The following CTNND2 variants were observed in gnomAD, a reference collection of about 807,000 sequenced individuals.
CTNND2 encodes catenin delta-2.
A neutral mutation model predicts 144.4 loss-of-function variants in CTNND2; 22 were observed. The observed-to-expected ratio is 0.15, with a 90% CI of 0.11 to 0.22. The LOEUF (loss-of-function observed/expected upper bound fraction) is 0.22, where lower values mean the gene tolerates loss of function less well. CTNND2 is among the 10% of genes least tolerant of loss of function. CTNND2 has a pLI of 1.00. For missense variants in CTNND2, 1,353 were observed against 1,618.8 expected, an observed-to-expected ratio of 0.84 and a Z score of 2.82; for synonymous variants, 751 against 695.6, an observed-to-expected ratio of 1.08 and a Z score of -1.25.
At chr5:11,228,255 G>A (rs1740578045) in intron 10 of CTNND2, among the ~76,000 whole-genome samples, 1 of 140,402 alleles carries the variant, frequency 7.1e-6, no homozygotes. Flanking sequence ...TGAGGCAGGA[G>A]AATCACTTGT....
At chr5:11,412,149 A>C (rs1581139547) in intron 3 of CTNND2, 80 bp from the exon 4 acceptor site, 1 of 1,091,700 alleles carries the variant, frequency 9.2e-7, no homozygotes, top group Admixed American at 1.7e-5. Context: ...ACACAAAGGC[A>C]TATTAGGGTA....
chr5:11,531,035 A>G (rs1581424062), intron 3 of CTNND2, among the ~76,000 whole-genome samples: 1 of 152,226 alleles, frequency 6.6e-6, no homozygotes, highest in East Asian at 1.9e-4. Flanking sequence ...TCCTGCAGAC[A>G]TAACTGTCAT....
chr5:11,449,232 A>G (rs61760348), intron 3 of CTNND2, among the ~76,000 whole-genome samples: 173 of 152,316 alleles, frequency 1.1e-3, no homozygotes, highest in African/African-American at 3.9e-3. Flanking sequence ...TTATTTACAG[A>G]TATAAATGTC....
intron 2 of CTNND2, among the ~76,000 whole-genome samples, chr5:11,729,601 G>A (rs77957284): frequency 0.024 from 3,678 of 152,070 alleles, 73 homozygotes; most frequent in Non-Finnish European, 0.037. Context: ...TCTTCACCAA[G>A]CCATCCGTAT....
intron 1 of CTNND2, among the ~76,000 whole-genome samples, chr5:11,854,110 T>C (rs557693706): frequency 3.0e-4 from 46 of 152,336 alleles, no homozygotes; most frequent in Admixed American, 1.2e-3. Context: ...GTCCTCCTTG[T>C]TGTTCCCAAA....
chr5:11,563,156 A>G (rs565255260), intron 3 of CTNND2, among the ~76,000 whole-genome samples: 1 of 152,334 alleles, frequency 6.6e-6, no homozygotes, highest in African/African-American at 2.4e-5. Flanking sequence ...CAGGTTACTA[A>G]ACAGTTCCCT....
chr5:11,135,559 T>C (rs1756049182), intron 12 of CTNND2, among the ~76,000 whole-genome samples: 1 of 152,330 alleles, frequency 6.6e-6, no homozygotes, highest in South Asian at 2.1e-4. Context: ...TCCAATAATT[T>C]GCTAAAATTC....
At chr5:11,116,132 C>G (rs184796648) in intron 13 of CTNND2, among the ~76,000 whole-genome samples, 4 of 152,288 alleles carry the variant, frequency 2.6e-5, no homozygotes, top group Non-Finnish European at 4.4e-5. Flanking sequence ...GTTAGGAGGA[C>G]TGCAATAGGG....
At chr5:11,744,374 G>T (rs1788186815) in intron 1 of CTNND2, among the ~76,000 whole-genome samples, 1 of 152,144 alleles carries the variant, frequency 6.6e-6, no homozygotes, top group Non-Finnish European at 1.5e-5. Flanking sequence ...CAAGCAACAG[G>T]TTAGGCTCTC....
rs199778850 is a variant in CTNND2 at position 11,236,855 on chromosome 5, G to A, written c.1629-32C>T. 7.4e-5 allele frequency: 120 copies of A among 1,613,118 alleles called. No individual in the cohort carries two copies. In the East Asian group the frequency reaches 1.6e-3, roughly 21 times the overall value. On this transcript the variant is annotated intron_variant, in intron 9 of 21. Transcript: ENST00000304623. ...AAAAGGAAAGAAGCGGGGAGAATATGAGAGAGAAATCCTACCACACTGTTA... is the reference window on the plus strand; with the variant it reads ...AAAAGGAAAGAAGCGGGGAGAATATAAGAGAGAAATCCTACCACACTGTTA...
At chr5:11,525,679 A>G (rs1327123659) in intron 3 of CTNND2, among the ~76,000 whole-genome samples, 2 of 152,128 alleles carry the variant, frequency 1.3e-5, no homozygotes, top group South Asian at 2.1e-4. Context: ...GTGTCTTCCC[A>G]TTCTCCCCAG....
At chr5:11,212,000 A>C (rs543764236) in intron 10 of CTNND2, among the ~76,000 whole-genome samples, 1 of 152,358 alleles carries the variant, frequency 6.6e-6, no homozygotes, top group East Asian at 1.9e-4. Flanking sequence ...AAAATTGTAT[A>C]GAATATAATT....
chr5:11,160,881 C>G (rs1322004134), intron 11 of CTNND2, among the ~76,000 whole-genome samples: 1 of 152,090 alleles, frequency 6.6e-6, no homozygotes, highest in African/African-American at 2.4e-5. Context: ...GTTGAACTAT[C>G]CAAGGACATT....
At chr5:11,884,852 G>GA (rs1453689008) in intron 1 of CTNND2, among the ~76,000 whole-genome samples, 3 of 152,074 alleles carry the variant, frequency 2.0e-5, no homozygotes, top group Admixed American at 1.3e-4. Flanking sequence ...CTAATTTGTT[G>GA]AAAGTTTTTT....
At chr5:11,082,559 G>T in intron 16 of CTNND2, 137 bp downstream of exon 16, 1 of 958,514 alleles carries the variant, frequency 1.0e-6, no homozygotes, top group Non-Finnish European at 1.5e-6. Context: ...CAGAAGGACA[G>T]CAGAAAAAAT....
Position 11,871,091 on chromosome 5 carries a change from T to A in CTNND2, c.37+32726A>T, listed in dbSNP as rs150950015. On this transcript the variant is annotated intron_variant, in intron 1 of 21. Coordinates refer to ENST00000304623, the MANE Select transcript of CTNND2 (RefSeq NM_001332.4). Reference sequence around the variant, plus strand: ...AGAAGAGGCCAGAGAGTTATCTAGGTCTTTCCACCATATAAGAATATAACC... The same window carrying A: ...AGAAGAGGCCAGAGAGTTATCTAGGACTTTCCACCATATAAGAATATAACC... Among the ~76,000 whole-genome samples, 7 of 152,246 alleles carry A rather than the reference T, an allele frequency of 4.6e-5. No individual in the cohort carries two copies. In the East Asian group the frequency reaches 1.2e-3, roughly 25 times the overall value.
intron 1 of CTNND2, among the ~76,000 whole-genome samples, chr5:11,879,416 T>C (rs1017740297): frequency 6.8e-6 from 1 of 148,008 alleles, no homozygotes; most frequent in Non-Finnish European, 1.5e-5. Flanking sequence ...CATGGGCATA[T>C]ACAAAATACA....
intron 15 of CTNND2, among the ~76,000 whole-genome samples, chr5:11,097,669 G>A (rs1561297904): frequency 6.6e-6 from 1 of 152,174 alleles, no homozygotes; most frequent in Non-Finnish European, 1.5e-5. Context: ...CCAGGGTGTG[G>A]TGAGTGTGTG....
At chr5:11,062,442 C>G (rs1747101532) in intron 16 of CTNND2, among the ~76,000 whole-genome samples, 1 of 152,148 alleles carries the variant, frequency 6.6e-6, no homozygotes, top group Admixed American at 6.5e-5. Context: ...AAATGCAACC[C>G]CTAAATCTTG....
Sources: gnomAD v4.1 joint callset for allele counts (sites outside exome capture counted in the v4.1 genomes callset) on GRCh38, gnomAD v4.1.1 for gene constraint, MANE v1.5 for transcripts, NCBI Gene and HGNC (gene_info 2026-07-23, HGNC 2026-07-21) for gene names.